RRP7A: variants seen among roughly 807,000 people sequenced by gnomAD.
RRP7A encodes ribosomal RNA processing 7 homolog A, also known as ribosomal RNA-processing protein 7 homolog A.
A neutral mutation model predicts 38.4 loss-of-function variants in RRP7A; 27 were observed. The ratio of observed to expected loss-of-function variants is 0.70; its 90% confidence interval spans 0.52 to 0.97. RRP7A has a LOEUF of 0.97. Ranked by LOEUF, RRP7A falls within the 50% of genes least tolerant of loss-of-function variation. RRP7A has a pLI of 0.00. For synonymous variants in RRP7A, 124 were observed against 150.3 expected, an observed-to-expected ratio of 0.83 and a Z score of 1.28; for missense variants, 327 against 375.4, an observed-to-expected ratio of 0.87 and a Z score of 1.07.
chr22:42,519,107 A>G (rs1215782588), intron 1 of RRP7A, among the ~76,000 whole-genome samples: 1 of 149,328 alleles, frequency 6.7e-6, no homozygotes, highest in Non-Finnish European at 1.5e-5. Context: ...AGGAACAGAA[A>G]GAGCTTTAGG....
In RRP7A at chr22:42,509,255, C is replaced by T. The variant is rs532065746; in HGVS notation, c.*3655G>A. The stretch of plus-strand genomic sequence containing the variant: ...CTCAAGATCTTTTTTGGGAAGCCCC[C>T]CTGGCAGCAGGGTCATGGAAGGAGG... On this transcript the variant is annotated 3_prime_UTR_variant, in exon 7 of 7. Transcript: ENST00000323013. 1.8e-5 allele frequency: 27 copies of T among 1,496,260 alleles called. No homozygotes were observed. In the East Asian group the frequency reaches 5.9e-4, roughly 33 times the overall value. 92.7% of individuals were successfully genotyped at this position (1,496,260 alleles called of 1,614,324 possible).
chr22:42,515,370 T>C (rs369697706), intron 3 of RRP7A, 102 bp from the exon 4 acceptor site: 162 of 748,850 alleles, frequency 2.2e-4, no homozygotes, highest in African/African-American at 1.3e-3. Context: ...CCAGGGGAGA[T>C]GGTGCTAGGC....
intron 1 of RRP7A, chr22:42,518,840 G>A (rs370531784): frequency 3.7e-4 from 170 of 455,806 alleles, no homozygotes; most frequent in East Asian, 1.3e-3. Flanking sequence ...ACCGGTTGGC[G>A]TAGAGCTGCG....
At chr22:42,514,948 C>T (rs1200558851) in intron 4 of RRP7A, among the ~76,000 whole-genome samples, 169 bp from the exon 5 acceptor site, 2 of 150,692 alleles carry the variant, frequency 1.3e-5, no homozygotes, top group Non-Finnish European at 2.9e-5. Context: ...GCCCAGTATG[C>T]CTGTGCCGCT....
rs1312625587 is a variant in RRP7A at position 42,512,698 on chromosome 22, G to A, written c.*212C>T. 17 of 615,650 alleles carry A rather than the reference G, an allele frequency of 2.8e-5. No homozygotes were observed. The highest frequency in any genetic ancestry group is 1.3e-4 in the South Asian group (7 of 52,574). The allele number at this position is 615,650 out of a possible 1,614,324, so 38.1% of individuals were successfully genotyped here. ...GAAGGACAAGTCCTCCTCTCGGCAC[G>A]CCTGGGTCCCCAGGACTGCTGAAGC... On this transcript the variant is annotated 3_prime_UTR_variant, in exon 7 of 7. Transcript: ENST00000323013.
rs2146621350 is a variant in RRP7A, at chr22:42,514,867, T to G, written c.461-88A>C. 3 of 1,035,760 alleles carry G rather than the reference T, an allele frequency of 2.9e-6. No individual in the cohort carries two copies. The South Asian group carries it at 4.1e-5, about 14-fold the overall frequency. 64.2% of individuals were successfully genotyped at this position (1,035,760 alleles called of 1,614,324 possible). A position where few individuals can be genotyped will look rare whatever the true frequency, so the allele number is the denominator to read the frequency against. On this transcript the variant is annotated intron_variant, in intron 4 of 6. Coordinates refer to ENST00000323013, the MANE Select transcript of RRP7A (RefSeq NM_015703.5). ...GGGCCTGCCAGGCAAATTGGGACCT[T>G]TTCCCACAGGGCCCGGGGCACAGGT...
At chr22:42,514,060 T>A (rs1920923891) in intron 6 of RRP7A, 46 bp downstream of exon 6, 1 of 1,570,646 alleles carries the variant, frequency 6.4e-7, no homozygotes, top group Non-Finnish European at 8.7e-7. Context: ...CATCCGTGGC[T>A]GGGGCCAAGG....
chr22:42,517,435 T>C (rs1260230064), intron 2 of RRP7A, among the ~76,000 whole-genome samples: 1 of 151,898 alleles, frequency 6.6e-6, no homozygotes, highest in African/African-American at 2.4e-5. Flanking sequence ...TTTTAAATTA[T>C]GGACATGTAC....
At chr22:42,513,367 G>T (rs1215073732) in intron 6 of RRP7A, among the ~76,000 whole-genome samples, 1 of 106,922 alleles carries the variant, frequency 9.4e-6, no homozygotes, top group Admixed American at 1.1e-4. Context: ...CCCTTGTGCT[G>T]GTGAATGCAG....
At position 42,512,479 on chromosome 22, in the gene RRP7A, G is replaced by GA. The variant is rs1300795751; in HGVS notation, c.*430dup. The GA allele has an allele frequency of 2.4e-5, 14 of 571,908 alleles. No individual in the cohort carries two copies. The African/African-American group carries it at 2.6e-4, about 11-fold the overall frequency. 35.4% of individuals were successfully genotyped at this position (571,908 alleles called of 1,614,324 possible). A position where few individuals can be genotyped will look rare whatever the true frequency, so the allele number is the denominator to read the frequency against. ...CTGGCTAATAATCTCCAGCCAGCTG[G>GA]AGGAAGGAAGGGCGGGCTGGGCCCA... is the stretch of plus-strand genomic sequence containing the variant. On this transcript the variant is annotated 3_prime_UTR_variant, in exon 7 of 7. Transcript: ENST00000323013.
chr22:42,516,034 A>C lies in RRP7A; in HGVS notation c.319T>G (p.Phe107Val). The C allele has an allele frequency of 6.2e-7, 1 of 1,605,426 alleles. No homozygotes were observed. The highest frequency in any genetic ancestry group is 8.5e-7 in the Non-Finnish European group (1 of 1,174,674). The change falls in exon 3 of 7, where the codon TTT (phenylalanine) becomes GTT (valine). Residue 107 changes from phenylalanine to valine, a missense_variant. Physicochemically the swap from Phe to Val is conservative, Grantham distance 50. Coordinates refer to ENST00000323013, the MANE Select transcript of RRP7A (RefSeq NM_015703.5). ...AESPKESRSK[F>V]FHPKPVPGFQ... is the part of the protein sequence containing the mutation. ...ACCGGAACTGGCTTGGGATGAAAAAACTTCGACCTTGACTCCTTTGGGCTC... is the reference window on the plus strand; with the variant it reads ...ACCGGAACTGGCTTGGGATGAAAAACCTTCGACCTTGACTCCTTTGGGCTC...
intron 5 of RRP7A, 97 bp from the exon 6 acceptor site, chr22:42,514,401 C>A (rs1027303082): frequency 2.3e-6 from 2 of 864,256 alleles, no homozygotes; most frequent in Non-Finnish European, 3.6e-6. Context: ...CTGCCCTGAG[C>A]CCCCGCAGGG....
chr22:42,519,363 G>C (rs1439172871), intron 1 of RRP7A, among the ~76,000 whole-genome samples: 4 of 152,098 alleles, frequency 2.6e-5, no homozygotes, highest in African/African-American at 9.7e-5. Context: ...GGTAAGAGCT[G>C]ATGGGGGATG....
At chr22:42,515,958 G>A in intron 3 of RRP7A, 53 bp downstream of exon 3, 1 of 1,542,994 alleles carries the variant, frequency 6.5e-7, no homozygotes, top group Non-Finnish European at 8.7e-7. Context: ...AACACACTGG[G>A]GACAGTGCCC....
chr22:42,516,461 C>G (rs1183884694), intron 2 of RRP7A: 3 of 400,504 alleles, frequency 7.5e-6, no homozygotes, highest in African/African-American at 4.2e-5. Flanking sequence ...AAGCGCCCAC[C>G]ACCACCACAC....
In RRP7A at chr22:42,514,316, G is replaced by A. The variant is rs1461769876; in HGVS notation, c.559-12C>T. ...GCCTTAGCTTCTTCCTGCAAGGAAGGTGATCCCATCCTCCGGTGGGACCTC... is the reference window on the plus strand; with the variant it reads ...GCCTTAGCTTCTTCCTGCAAGGAAGATGATCCCATCCTCCGGTGGGACCTC... On this transcript the variant is annotated splice_polypyrimidine_tract_variant and intron_variant, in intron 5 of 6. Coordinates refer to ENST00000323013, the MANE Select transcript of RRP7A (RefSeq NM_015703.5). The A allele has an allele frequency of 1.3e-6, 2 of 1,544,162 alleles. No individual in the cohort carries two copies. Among genetic ancestry groups the A allele is most frequent in the South Asian group, 1.1e-5 (1 of 88,982 alleles).
In RRP7A at chr22:42,514,735, G is replaced by C; in HGVS notation, c.505C>G (p.Leu169Val). 6.2e-7 allele frequency: 1 copy of C among 1,612,160 alleles called. No individual in the cohort carries two copies. The highest frequency in any genetic ancestry group is 8.5e-7 in the Non-Finnish European group (1 of 1,178,946). The change falls in exon 5 of 7, where the codon CTG becomes GTG. Residue 169 changes from leucine (L) to valine (V), a missense_variant. Physicochemically the swap from Leu to Val is conservative, Grantham distance 32. Coordinates refer to ENST00000323013, the MANE Select transcript of RRP7A (RefSeq NM_015703.5). ...YADSVPDPEA[L>V]RVEVDTFMEA... ...ATGAACGTGTCCACTTCCACCCTCA[G>C]GGCCTCAGGGTCGGGCACAGAGTCT...
chr22:42,513,968 T>A, intron 6 of RRP7A, 138 bp downstream of exon 6: 2 of 739,330 alleles, frequency 2.7e-6, no homozygotes, highest in Non-Finnish European at 2.2e-6. Context: ...CAGAGTCTGG[T>A]GCGAGCCCCG....
At position 42,514,118 on chromosome 22, in the gene RRP7A, T is replaced by G. The variant is rs1920924056; in HGVS notation, c.745A>C (p.Ser249Arg). ...LNFYAWQHRESKMEHLAQLRK... is the reference protein window; with the variant it reads ...LNFYAWQHRERKMEHLAQLRK... ...GGGGGTGGCTTACGCTCCATCTTGC[T>G]CTCTCGATGCTGCCAGGCGTAGAAG... Residue 249 changes from serine (S) to arginine (R), a missense_variant, in exon 6 of 7, where the codon AGC becomes CGC. By Grantham distance (110) the Ser-to-Arg change is moderately radical. Around this residue, in one of 5 missense-constraint regions of RRP7A, gnomAD observed 84 missense variants for 82.8 expected, o/e 1.01. Transcript: ENST00000323013. 2 of 1,612,874 alleles carry G rather than the reference T, an allele frequency of 1.2e-6. No homozygotes were observed. The highest frequency in any genetic ancestry group is 1.7e-6 in the Non-Finnish European group (2 of 1,179,660).
Sources: allele counts gnomAD v4.1 joint callset (sites outside exome capture counted in the v4.1 genomes callset), GRCh38; gene constraint gnomAD v4.1.1; regional missense constraint gnomAD v4.1.1; transcripts MANE v1.5; gene names NCBI Gene and HGNC (gene_info 2026-07-23, HGNC 2026-07-21).